The following CPQ variants were observed in gnomAD, a reference collection of about 807,000 sequenced individuals.
CPQ encodes Ser-Met dipeptidase.
Under a neutral mutation model 45.7 loss-of-function variants are expected in CPQ, and 37 were observed. The ratio of observed to expected loss-of-function variants is 0.81; its 90% CI spans 0.62 to 1.07. The LOEUF (loss-of-function observed/expected upper bound fraction) is 1.07. Ranked by LOEUF, CPQ falls within the 50% of genes least tolerant of loss-of-function variation. The pLI, the probability that CPQ is intolerant of heterozygous loss-of-function variation, is 0.00. For missense variants in CPQ, 537 were observed against 572.9 expected (o/e 0.94, Z 0.64); for synonymous variants, 186 against 205.8 (o/e 0.90, Z 0.82).
At chr8:96,937,549 G>C (rs1444391226) in intron 4 of CPQ, among the ~76,000 whole-genome samples, 4 of 152,162 alleles carry the variant, frequency 2.6e-5, no homozygotes, top group South Asian at 4.1e-4. Flanking sequence ...CCAGACCTTA[G>C]ACCTTAGGAG....
At chr8:97,114,165 T>C (rs1053215773) in intron 7 of CPQ, among the ~76,000 whole-genome samples, 51 of 152,186 alleles carry the variant, frequency 3.4e-4, no homozygotes, top group African/African-American at 1.2e-3. Flanking sequence ...GTCTGTCAAA[T>C]TGTCTGCATG....
intron 7 of CPQ, among the ~76,000 whole-genome samples, chr8:97,077,909 C>T (rs559132781): frequency 3.9e-5 from 6 of 152,282 alleles, no homozygotes; most frequent in Admixed American, 3.9e-4. Flanking sequence ...ACAGAACTTT[C>T]CCCTTATCAG....
chr8:96,760,070 C>T (rs2130790951), intron 1 of CPQ, among the ~76,000 whole-genome samples: 1 of 152,292 alleles, frequency 6.6e-6, no homozygotes, highest in Non-Finnish European at 1.5e-5. Flanking sequence ...ACGTGGGTCC[C>T]TCATGGTTTT....
At chr8:96,936,755 G>A (rs1338164150) in intron 4 of CPQ, among the ~76,000 whole-genome samples, 1 of 152,178 alleles carries the variant, frequency 6.6e-6, no homozygotes. Context: ...GGGGAAGGGA[G>A]TATGGTCTGT....
chr8:97,066,116 G>A lies in CPQ; in HGVS notation c.1161G>A (p.Glu387=), dbSNP rs1332634621. The change falls in exon 7 of 8, where the codon GAG becomes GAA. Residue 387 remains glutamate, a synonymous_variant. Coordinates refer to ENST00000220763, the MANE Select transcript of CPQ (RefSeq NM_016134.4). The stretch of plus-strand genomic sequence containing the variant: ...AAAAGGCCAGGGCCATCATGGAGGA[G>A]GTTATGAGCCTGCTGCAGCCCCTCA... ...GSEKARAIME[E]VMSLLQPLNI... is the part of the protein sequence containing the mutation. 10 of 1,612,454 alleles carry A rather than the reference G, an allele frequency of 6.2e-6. No homozygotes were observed. Among genetic ancestry groups the A allele is most frequent in the Non-Finnish European group, 8.5e-6 (10 of 1,179,526 alleles).
intron 5 of CPQ, among the ~76,000 whole-genome samples, chr8:96,981,469 A>T (rs1450880629): frequency 6.6e-6 from 1 of 152,178 alleles, no homozygotes; most frequent in African/African-American, 2.4e-5. Context: ...TTTAGGCAGG[A>T]TGTTAGAATA....
chr8:96,728,628 G>A (rs564252948), intron 1 of CPQ, among the ~76,000 whole-genome samples: 3 of 152,200 alleles, frequency 2.0e-5, no homozygotes, highest in Middle Eastern at 3.4e-3. Flanking sequence ...GGGTGGATAT[G>A]GTCAGTATCC....
intron 4 of CPQ, among the ~76,000 whole-genome samples, chr8:96,951,735 C>T (rs1488085745): frequency 6.6e-6 from 1 of 152,078 alleles, no homozygotes. Context: ...TTGATTGATA[C>T]TCCCTCTAAT....
intron 6 of CPQ, among the ~76,000 whole-genome samples, chr8:97,055,061 A>T (rs187026991): frequency 6.6e-6 from 1 of 152,088 alleles, no homozygotes; most frequent in East Asian, 1.9e-4. Flanking sequence ...CCCCTGTCCA[A>T]TGGAAGCTCA....
chr8:96,660,636 G>GGGGT (rs111627452), intron 1 of CPQ, among the ~76,000 whole-genome samples: 17 of 149,150 alleles, frequency 1.1e-4, no homozygotes, highest in Non-Finnish European at 1.6e-4. Flanking sequence ...GAATACATTT[G>GGGGT]GTGTGTGTGT....
chr8:96,919,079 CT>C lies in CPQ; in HGVS notation c.849+39075del, dbSNP rs1306100636. ...GCTGAGTCAGTAAGAATTCCTGTAT[CT>C]GCTTGACATCTTCATTTTGTGTGGT... On this transcript the variant is annotated intron_variant, in intron 4 of 7. Transcript: ENST00000220763. Among the ~76,000 whole-genome samples, 3 of 152,122 alleles carry C rather than the reference CT, an allele frequency of 2.0e-5. No homozygotes were observed. The East Asian group carries it at 5.8e-4, about 29-fold the overall frequency.
At chr8:96,766,969 C>T (rs1810475716) in intron 1 of CPQ, among the ~76,000 whole-genome samples, 1 of 152,194 alleles carries the variant, frequency 6.6e-6, no homozygotes, top group African/African-American at 2.4e-5. Flanking sequence ...AAATCACCTT[C>T]TTATGTTGCA....
rs76120014 is a variant in CPQ at position 97,079,905 on chromosome 8, C to T, written c.1255+13695C>T. Reference sequence around the variant, plus strand: ...ATATAGGGAAATAGAAAACTAAAAGCGTTGCCTGGAATCTCAGTTGGGATC... The same window carrying T: ...ATATAGGGAAATAGAAAACTAAAAGTGTTGCCTGGAATCTCAGTTGGGATC... On this transcript the variant is annotated intron_variant, in intron 7 of 7. Coordinates refer to ENST00000220763, the MANE Select transcript of CPQ (RefSeq NM_016134.4). Among the ~76,000 whole-genome samples, 19 of 152,190 alleles carry T rather than the reference C, an allele frequency of 1.2e-4. 2 individuals carry two copies. In the South Asian group the frequency reaches 2.5e-3, roughly 20 times the overall value.
chr8:96,784,402 G>C (rs540978015), intron 1 of CPQ, among the ~76,000 whole-genome samples: 4 of 151,594 alleles, frequency 2.6e-5, no homozygotes, highest in East Asian at 3.9e-4. Flanking sequence ...TCTGAGGTGG[G>C]GGGGGGGTTG....
At chr8:96,899,028 T>C (rs986304594) in intron 4 of CPQ, among the ~76,000 whole-genome samples, 5 of 152,060 alleles carry the variant, frequency 3.3e-5, no homozygotes, top group African/African-American at 9.7e-5. Flanking sequence ...GTAATAAAAA[T>C]ACAGAGAATT....
At chr8:96,979,550 A>C (rs1007304650) in intron 5 of CPQ, among the ~76,000 whole-genome samples, 6 of 152,210 alleles carry the variant, frequency 3.9e-5, no homozygotes, top group Non-Finnish European at 7.3e-5. Context: ...ATTTTGCAAA[A>C]GCTGTGGTTT....
intron 2 of CPQ, among the ~76,000 whole-genome samples, chr8:96,821,126 A>ATTTTTTTTTTTT (rs572906188): frequency 9.8e-5 from 6 of 60,938 alleles, no homozygotes; most frequent in East Asian, 5.2e-4. Flanking sequence ...TTTAATCTGA[A>ATTTTTTTTTTTT]TTTTTTTTTT....
Position 96,795,982 on chromosome 8 carries a change from A to G in CPQ, c.433+10652A>G, listed in dbSNP as rs574291875. Among the ~76,000 whole-genome samples, 11 of 152,152 alleles carry G rather than the reference A, an allele frequency of 7.2e-5. No homozygotes were observed. The South Asian group carries it at 2.1e-3, about 29-fold the overall frequency. On this transcript the variant is annotated intron_variant, in intron 2 of 7. Coordinates refer to ENST00000220763, the MANE Select transcript of CPQ (RefSeq NM_016134.4). ...AAATGTTAACACAATAGATATGTAA[A>G]CATTATATATAATGTACATTTTAAT...
chr8:96,916,859 A>T (rs1315396871), intron 4 of CPQ, among the ~76,000 whole-genome samples: 1 of 152,116 alleles, frequency 6.6e-6, no homozygotes, highest in Non-Finnish European at 1.5e-5. Context: ...GATTTGTCAT[A>T]TGTTTTTCAA....
Sources: allele counts gnomAD v4.1 joint callset (sites outside exome capture counted in the v4.1 genomes callset), GRCh38; gene constraint gnomAD v4.1.1; transcripts MANE v1.5; gene names NCBI Gene and HGNC (gene_info 2026-07-23, HGNC 2026-07-21).